PCDHGB4: variants seen among roughly 807,000 people sequenced by gnomAD.
The protein encoded by PCDHGB4 is protocadherin gamma subfamily B, 4, also known as protocadherin gamma-B4.
Under a neutral mutation model 60.5 loss-of-function variants are expected in PCDHGB4, and 38 were observed. The observed-to-expected ratio is 0.63, with a 90% confidence interval of 0.48 to 0.82. PCDHGB4 has a LOEUF of 0.82. Ranked by LOEUF, PCDHGB4 falls within the 40% of genes least tolerant of loss-of-function variation. The pLI is 0.00. For missense variants in PCDHGB4, 1,109 were observed against 1,209.6 expected (o/e 0.92, Z 1.23); for synonymous variants, 456 against 509.7 (o/e 0.89, Z 1.42).
chr5:141,476,187 G>T lies in PCDHGB4; in HGVS notation c.2398-18620G>T. 1 of 1,613,782 alleles carries T rather than the reference G, an allele frequency of 6.2e-7. No individual in the cohort carries two copies. The highest frequency in any genetic ancestry group is 8.5e-7 in the Non-Finnish European group (1 of 1,180,028). ...GTAGTGGGAGTTTTGCTTCTGCTTG[G>T]TGCCTTGAACAAGGCTTCCACGGTC... On this transcript the variant is annotated intron_variant, in intron 1 of 3. Transcript: ENST00000519479. This position sits in a 1 kb window ranked among gnomAD's most constrained non-coding sequence, Gnocchi z 7.6.
intron 1 of PCDHGB4, among the ~76,000 whole-genome samples, chr5:141,492,474 G>T (rs2099741007): frequency 6.6e-6 from 1 of 152,218 alleles, no homozygotes; most frequent in African/African-American, 2.4e-5. Context: ...CCCAGATCGC[G>T]GCCGCCCAGG....
chr5:141,426,805 A>G (rs1222690899), intron 1 of PCDHGB4: 2 of 456,720 alleles, frequency 4.4e-6, no homozygotes, highest in African/African-American at 2.0e-5. Flanking sequence ...CTCAGTTCTA[A>G]TGAACATTTC....
At position 141,387,995 on chromosome 5, in the gene PCDHGB4, T is replaced by TCC. The variant is rs2091190111; in HGVS notation, c.113_114dup (p.Glu39ProfsTer9). On this transcript the variant is annotated frameshift_variant, in exon 1 of 4. Coordinates refer to ENST00000519479, the MANE Select transcript of PCDHGB4 (RefSeq NM_003736.4). LOFTEE classifies it high-confidence loss of function. ...TCTGTGAGCAGATCCGCTACAGGAT[T>TCC]CCCGAGGAAATGCCCAAGGGCTCCG... 1 of 1,490,632 alleles carries TCC rather than the reference T, an allele frequency of 6.7e-7. No homozygotes were observed. The highest frequency in any genetic ancestry group is 2.1e-5 in the Admixed American group (1 of 48,448). The allele number at this position is 1,490,632 out of a possible 1,614,324, so 92.3% of individuals were successfully genotyped here. A position where few individuals can be genotyped will look rare whatever the true frequency, so the allele number is the denominator to read the frequency against.
At chr5:141,429,387 T>TTA (rs775632416) in intron 1 of PCDHGB4, among the ~76,000 whole-genome samples, 40 of 151,448 alleles carry the variant, frequency 2.6e-4, no homozygotes, top group African/African-American at 7.0e-4. Context: ...GTTTTTTTTT[T>TTA]AAAAAAAATT....
At chr5:141,394,739 C>G (rs377359689) in intron 1 of PCDHGB4, 1 of 1,613,390 alleles carries the variant, frequency 6.2e-7, no homozygotes, top group Non-Finnish European at 8.5e-7. Context: ...AGCAGAGCCT[C>G]GTGGTGGCCG....
chr5:141,451,523 A>G (rs1035983001), intron 1 of PCDHGB4, among the ~76,000 whole-genome samples: 1 of 152,200 alleles, frequency 6.6e-6, no homozygotes, highest in African/African-American at 2.4e-5. Flanking sequence ...AGAGCAAGTA[A>G]AGGAGAGTGC....
intron 1 of PCDHGB4, chr5:141,399,103 C>T (rs376000100): frequency 1.5e-5 from 25 of 1,613,604 alleles, no homozygotes; most frequent in East Asian, 6.7e-5. Context: ...ACTGGTTGCA[C>T]AATGTACAGT....
intron 1 of PCDHGB4, chr5:141,390,623 T>C (rs2092193421): frequency 3.8e-6 from 1 of 264,274 alleles, no homozygotes; most frequent in African/African-American, 2.3e-5. Flanking sequence ...TGTTGACTAA[T>C]ATATGATGAA....
intron 3 of PCDHGB4, among the ~76,000 whole-genome samples, chr5:141,507,713 C>T (rs2099862763): frequency 6.6e-6 from 1 of 152,234 alleles, no homozygotes; most frequent in Non-Finnish European, 1.5e-5. Flanking sequence ...GGCCCCAAAC[C>T]CTCCAAGCAA....
chr5:141,489,206 C>A lies in PCDHGB4; in HGVS notation c.2398-5601C>A. On this transcript the variant is annotated intron_variant, in intron 1 of 3. Transcript: ENST00000519479. This position sits in a 1 kb window ranked among gnomAD's most constrained non-coding sequence, Gnocchi z 4.5. ...TGGGTCTACCTTGGAGACAGGACAG[C>A]ACAGACTTACTCTCCACAAAGGGAC... 2 of 1,439,024 alleles carry A rather than the reference C, an allele frequency of 1.4e-6. No individual in the cohort carries two copies. Among genetic ancestry groups the A allele is most frequent in the Non-Finnish European group, 1.9e-6 (2 of 1,060,928 alleles). 89.1% of individuals were successfully genotyped at this position (1,439,024 alleles called of 1,614,324 possible). A position where few individuals can be genotyped will look rare whatever the true frequency, so the allele number is the denominator to read the frequency against.
chr5:141,400,646 CTGTCCT>C, intron 1 of PCDHGB4: 1 of 1,222,508 alleles, frequency 8.2e-7, no homozygotes, highest in South Asian at 1.4e-5. Flanking sequence ...GCTCAGAAAG[CTGTCCT>C]ACCATTCTTT....
intron 1 of PCDHGB4, among the ~76,000 whole-genome samples, chr5:141,464,648 G>A (rs776411908): frequency 6.6e-6 from 1 of 152,020 alleles, no homozygotes; most frequent in African/African-American, 2.4e-5. Flanking sequence ...AACCTGATGG[G>A]TAAAAAGATA....
intron 1 of PCDHGB4, among the ~76,000 whole-genome samples, chr5:141,468,246 A>G (rs2099161183): frequency 6.7e-6 from 1 of 149,754 alleles, no homozygotes; most frequent in South Asian, 2.1e-4. Context: ...AATTGCCTGA[A>G]CCTGGGAGGC....
intron 1 of PCDHGB4, chr5:141,426,979 A>G (rs762085745): frequency 4.2e-5 from 19 of 456,640 alleles, no homozygotes; most frequent in Non-Finnish European, 7.5e-5. Flanking sequence ...GAGGTCACTG[A>G]TGCCAACGAT....
intron 1 of PCDHGB4, among the ~76,000 whole-genome samples, chr5:141,442,910 C>G (rs1419319938): frequency 6.6e-6 from 1 of 152,196 alleles, no homozygotes; most frequent in African/African-American, 2.4e-5. Flanking sequence ...TCCTTCAGCA[C>G]ACAACTGTTT....
chr5:141,478,424 G>A, intron 1 of PCDHGB4: 2 of 1,613,686 alleles, frequency 1.2e-6, no homozygotes, highest in African/African-American at 1.3e-5. Context: ...CCGCCGCAGC[G>A]ACCCGCTGCT....
At chr5:141,427,773 C>T (rs1285483564) in intron 1 of PCDHGB4, 1 of 1,414,460 alleles carries the variant, frequency 7.1e-7, no homozygotes, top group Non-Finnish European at 9.9e-7. Flanking sequence ...CTTGGAGCTG[C>T]GGGCACTGTC....
At position 141,430,860 on chromosome 5, in the gene PCDHGB4, C is replaced by G. The variant is rs773955533; in HGVS notation, c.2397+40579C>G. ...ACCGGATGCACCCAGATACGCTATTCAGTTCCGGAAGAGCTGGAGAAAGGC... is the reference window on the plus strand; with the variant it reads ...ACCGGATGCACCCAGATACGCTATTGAGTTCCGGAAGAGCTGGAGAAAGGC... On this transcript the variant is annotated intron_variant, in intron 1 of 3. Transcript: ENST00000519479. 4 of 1,592,382 alleles carry G rather than the reference C, an allele frequency of 2.5e-6. No individual in the cohort carries two copies. In the South Asian group the frequency reaches 4.6e-5, roughly 18 times the overall value.
chr5:141,399,495 T>C, intron 1 of PCDHGB4: 1 of 1,614,034 alleles, frequency 6.2e-7, no homozygotes, highest in Non-Finnish European at 8.5e-7. Context: ...ACTTAGTCAG[T>C]GTACCCGAAA....
Sources: gnomAD v4.1 joint callset for allele counts (sites outside exome capture counted in the v4.1 genomes callset) on GRCh38, gnomAD v4.1.1 for gene constraint, Gnocchi (gnomAD v3.1) non-coding constraint, MANE v1.5 for transcripts, NCBI Gene and HGNC (gene_info 2026-07-23, HGNC 2026-07-21) for gene names.